Variants in ACAN observed in about 807,000 individuals in gnomAD.
The protein encoded by ACAN is aggrecan, also known as aggrecan core protein.
A neutral mutation model predicts 169.1 loss-of-function variants in ACAN; 47 were observed. That is an observed-to-expected ratio of 0.28 (90% CI 0.22 to 0.35). ACAN has a LOEUF of 0.35. Ranked by LOEUF, ACAN falls within the 10% of genes least tolerant of loss-of-function variation. The pLI, the probability that ACAN is intolerant of heterozygous loss-of-function variation, is 1.00. For synonymous variants in ACAN, 1,115 were observed against 1,112.2 expected, an observed-to-expected ratio of 1.00 and a Z score of -0.05; for missense variants, 2,716 against 2,759.9, an observed-to-expected ratio of 0.98 and a Z score of 0.36.
rs781309352 is a variant in ACAN at position 88,843,329 on chromosome 15, T to C, written c.758-26T>C. 1.3e-6 allele frequency: 2 copies of C among 1,541,468 alleles called. No homozygotes were observed. The highest frequency in any genetic ancestry group is 1.8e-6 in the Non-Finnish European group (2 of 1,138,316). ...GCAGGGGGAGGGGGGAGAAGACCCT[T>C]ACCCAGCTGGCTGTGTCCTTCACAG... On this transcript the variant is annotated intron_variant, in intron 5 of 18. Coordinates refer to ENST00000560601, the MANE Select transcript of ACAN (RefSeq NM_001369268.1). The surrounding 1 kb of genome is among the most constrained non-coding windows in gnomAD (Gnocchi z 4.0).
rs1242006485 is a variant in ACAN, at chr15:88,845,861, G to A, written c.1408G>A (p.Gly470Arg). The change falls in exon 7 of 19, where the codon GGG (glycine) becomes AGG (arginine). Residue 470 changes from glycine to arginine, a missense_variant. By Grantham distance (125) the Gly-to-Arg change is moderately radical (BLOSUM62 -2). Transcript: ENST00000560601. ...DLVVQVTAVP[G>R]QPHLPGGVVF... is the part of the protein sequence containing the mutation. The stretch of plus-strand genomic sequence containing the variant: ...CGTCGTGCAGGTGACCGCTGTCCCT[G>A]GGCAGCCGCATTTGCCAGGGGGTAA... The A allele has an allele frequency of 9.6e-6, 14 of 1,458,076 alleles. No individual in the cohort carries two copies. The South Asian group carries it at 1.8e-4, about 18-fold the overall frequency. 90.3% of individuals were successfully genotyped at this position (1,458,076 alleles called of 1,614,324 possible).
intron 2 of ACAN, among the ~76,000 whole-genome samples, chr15:88,837,196 G>T (rs562252322): frequency 7.2e-5 from 11 of 152,186 alleles, no homozygotes; most frequent in Non-Finnish European, 1.6e-4. Flanking sequence ...TGTGGGCAGA[G>T]CAGGGCTGTG....
rs145914944 is a variant in ACAN at position 88,849,253 on chromosome 15, C to G, written c.1733-185C>G. Among the ~76,000 whole-genome samples, 350 of 152,280 alleles carry G rather than the reference C, an allele frequency of 2.3e-3. 3 individuals are homozygous for G. The highest frequency in any genetic ancestry group is 7.7e-3 in the African/African-American group (322 of 41,552). On this transcript the variant is annotated intron_variant, in intron 9 of 18. Transcript: ENST00000560601. This position sits in a 1 kb window ranked among gnomAD's most constrained non-coding sequence, Gnocchi z 5.1. ...AACCCCAGTCCAGTACAAACCAGAG[C>G]GGTGGTCACCTATTTCCCAGGGTCC...
chr15:88,861,751 A>G lies in ACAN; in HGVS notation c.6946+1312A>G, dbSNP rs78973404. 0.044 allele frequency among the ~76,000 whole-genome samples: 6,744 copies of G among 152,148 alleles called. 171 individuals are homozygous for G. The highest frequency in any genetic ancestry group is 0.082 in the Middle Eastern group (24 of 294). ...TGATGGGTGACTCCACTCTTGGGAA[A>G]TCCTTCTTAACCTGATACTTGAGGC... is the stretch of plus-strand genomic sequence containing the variant. On this transcript the variant is annotated intron_variant, in intron 13 of 18. Coordinates refer to ENST00000560601, the MANE Select transcript of ACAN (RefSeq NM_001369268.1). This position sits in a 1 kb window ranked among gnomAD's most constrained non-coding sequence, Gnocchi z 6.3.
At chr15:88,823,647 CG>C (rs1483577124) in intron 1 of ACAN, among the ~76,000 whole-genome samples, 2 of 152,132 alleles carry the variant, frequency 1.3e-5, no homozygotes, top group Non-Finnish European at 1.5e-5. Context: ...GGGCCATCCA[CG>C]GCTGCAGCCA....
chr15:88,858,589 C>T lies in ACAN; in HGVS notation c.6004C>T (p.Pro2002Ser). 1.9e-6 allele frequency: 3 copies of T among 1,613,844 alleles called. No homozygotes were observed. Among genetic ancestry groups the T allele is most frequent in the Non-Finnish European group, 2.5e-6 (3 of 1,179,888 alleles). ...GCCCAGCGGAGAGCCACCAGGTACT[C>T]CATATTTTAGTGGGGATTTTGCCAG... is the stretch of plus-strand genomic sequence containing the variant. ...IEPSGEPPGT[P>S]YFSGDFASTT... The change falls in exon 12 of 19, where the codon CCA becomes TCA. Residue 2002 changes from proline to serine, a missense_variant. Physicochemically the swap from Pro to Ser is moderately conservative, Grantham distance 74. Coordinates refer to ENST00000560601, the MANE Select transcript of ACAN (RefSeq NM_001369268.1). This position sits in a 1 kb window ranked among gnomAD's most constrained non-coding sequence, Gnocchi z 4.0.
At position 88,845,629 on chromosome 15, in the gene ACAN, A is replaced by G. The variant is rs1896774029; in HGVS notation, c.1176A>G (p.Glu392=). 3.7e-6 allele frequency: 6 copies of G among 1,614,064 alleles called. No homozygotes were observed. The East Asian group carries it at 1.3e-4, about 36-fold the overall frequency. Residue 392 remains glutamate (E), a synonymous_variant, in exon 7 of 19, where the codon GAA becomes GAG. Coordinates refer to ENST00000560601, the MANE Select transcript of ACAN (RefSeq NM_001369268.1). ...TGCCTCGAAACATCACTGAGGGTGA[A>G]GCCCGAGGCAGCGTGATCCTTACCG... The part of the protein sequence containing the change: ...LPLPRNITEG[E]ARGSVILTVK...
rs267604364 is a variant in ACAN, at chr15:88,851,931, C to G, written c.2164C>G (p.Pro722Ala). 1 of 1,612,614 alleles carries G rather than the reference C, an allele frequency of 6.2e-7. No individual in the cohort carries two copies. The highest frequency in any genetic ancestry group is 2.2e-5 in the East Asian group (1 of 44,848). The change falls in exon 11 of 19, where the codon CCC becomes GCC. Residue 722 changes from proline (P) to alanine (A), a missense_variant. Pro to Ala is a conservative substitution (Grantham distance 27). Transcript: ENST00000560601. The surrounding 1 kb of genome is among the most constrained non-coding windows in gnomAD (Gnocchi z 4.3). ...CGTAGAAGAGGAGACAACTGCTGTA[C>G]CCTCAGGGGAGACTACTGCCATCCT... is the stretch of plus-strand genomic sequence containing the variant. ...VPVEEETTAV[P>A]SGETTAILEF...
At position 88,868,695 on chromosome 15, in the gene ACAN, C is replaced by A. The variant is rs951662286; in HGVS notation, c.7060+366C>A. Among the ~76,000 whole-genome samples the A allele has an allele frequency of 6.6e-6, 1 of 152,186 alleles. No homozygotes were observed. Among genetic ancestry groups the A allele is most frequent in the African/African-American group, 2.4e-5 (1 of 41,444 alleles). On this transcript the variant is annotated intron_variant, in intron 14 of 18. Transcript: ENST00000560601. This position sits in a 1 kb window ranked among gnomAD's most constrained non-coding sequence, Gnocchi z 5.2. ...AATTGGTTCTCATTCCAGATGACAG[C>A]CACGGATCTTCTCAGTGTGGTCATG...
chr15:88,864,883 C>G (rs967892529), intron 13 of ACAN, among the ~76,000 whole-genome samples: 1 of 152,102 alleles, frequency 6.6e-6, no homozygotes, highest in South Asian at 2.1e-4. Flanking sequence ...GAGTGGCAAC[C>G]CTTTTAGTTC....
Position 88,874,008 on chromosome 15 carries a change from G to T in ACAN, c.7614G>T (p.Gln2538His). 6.2e-7 allele frequency: 1 copy of T among 1,611,246 alleles called. No homozygotes were observed. Among genetic ancestry groups the T allele is most frequent in the Non-Finnish European group, 8.5e-7 (1 of 1,179,754 alleles). Residue 2538 changes from glutamine to histidine, a missense_variant, in exon 18 of 19, where the codon CAG (glutamine) becomes CAT (histidine). By Grantham distance (24) the Gln-to-His change is conservative. Coordinates refer to ENST00000560601, the MANE Select transcript of ACAN (RefSeq NM_001369268.1). This position sits in a 1 kb window ranked among gnomAD's most constrained non-coding sequence, Gnocchi z 7.3. ...CQPSGHWEEPQITCTDPTTYK... is the reference protein window; with the variant it reads ...CQPSGHWEEPHITCTDPTTYK... The stretch of plus-strand genomic sequence containing the variant: ...CCAGCGGGCACTGGGAGGAGCCTCA[G>T]ATCACCTGCACAGACCGTGAGCATC...
Position 88,854,843 on chromosome 15 carries a change from T to C in ACAN, c.2267-9T>C. 1 of 1,465,996 alleles carries C rather than the reference T, an allele frequency of 6.8e-7. No individual in the cohort carries two copies. The highest frequency in any genetic ancestry group is 9.0e-7 in the Non-Finnish European group (1 of 1,108,002). 90.8% of individuals were successfully genotyped at this position (1,465,996 alleles called of 1,614,324 possible). A position where few individuals can be genotyped will look rare whatever the true frequency, so the allele number is the denominator to read the frequency against. On this transcript the variant is annotated splice_polypyrimidine_tract_variant and intron_variant, in intron 11 of 18. Coordinates refer to ENST00000560601, the MANE Select transcript of ACAN (RefSeq NM_001369268.1). ...CCCACACTTCATCTTTCTTCCTTCTTTCCTACAGGGATCCTTCCTACTTGG... is the reference window on the plus strand; with the variant it reads ...CCCACACTTCATCTTTCTTCCTTCTCTCCTACAGGGATCCTTCCTACTTGG...
In ACAN at chr15:88,839,944, A is replaced by C; in HGVS notation, c.455-68A>C. 6.5e-7 allele frequency: 1 copy of C among 1,534,218 alleles called. No individual in the cohort carries two copies. Among genetic ancestry groups the C allele is most frequent in the Non-Finnish European group, 8.8e-7 (1 of 1,132,226 alleles). On this transcript the variant is annotated intron_variant, in intron 3 of 18. Coordinates refer to ENST00000560601, the MANE Select transcript of ACAN (RefSeq NM_001369268.1). The surrounding 1 kb of genome is among the most constrained non-coding windows in gnomAD (Gnocchi z 4.5). ...CTTTGACTATTGCCATAATTCTGCG[A>C]GGGCCTCGGTGATCAGAGACTGTGC...
chr15:88,867,200 T>C (rs1351207353), intron 13 of ACAN, among the ~76,000 whole-genome samples: 1 of 152,242 alleles, frequency 6.6e-6, no homozygotes, highest in Non-Finnish European at 1.5e-5. Context: ...GATTTAGTTC[T>C]CACCTTGGCT....
intron 7 of ACAN, among the ~76,000 whole-genome samples, chr15:88,846,474 GT>G (rs1896793938): frequency 6.6e-6 from 1 of 152,206 alleles, no homozygotes; most frequent in Admixed American, 6.5e-5. Context: ...CACAAATAAA[GT>G]TTGATTGGAA....
intron 1 of ACAN, among the ~76,000 whole-genome samples, chr15:88,826,152 G>T (rs771248456): frequency 1.3e-5 from 2 of 152,152 alleles, no homozygotes; most frequent in Admixed American, 6.5e-5. Flanking sequence ...ACGTCGGGGG[G>T]CTCTACTGAC....
chr15:88,835,791 T>C (rs1896487391), intron 1 of ACAN, among the ~76,000 whole-genome samples: 1 of 152,196 alleles, frequency 6.6e-6, no homozygotes, highest in African/African-American at 2.4e-5. Flanking sequence ...GGGAGGACCA[T>C]CTGCTTTATT....
chr15:88,832,051 T>C (rs1896377942), intron 1 of ACAN, among the ~76,000 whole-genome samples: 1 of 152,094 alleles, frequency 6.6e-6, no homozygotes, highest in South Asian at 2.1e-4. Context: ...TTGAGTACAA[T>C]TGGAGCTGCT....
chr15:88,868,279 C>CT lies in ACAN; in HGVS notation c.7013dup (p.Thr2339HisfsTer14). 1 of 702,832 alleles carries CT rather than the reference C, an allele frequency of 1.4e-6. No homozygotes were observed. Among genetic ancestry groups the CT allele is most frequent in the Non-Finnish European group, 2.6e-6 (1 of 384,852 alleles). The allele number at this position is 702,832 out of a possible 1,614,324, so 43.5% of individuals were successfully genotyped here. A position where few individuals can be genotyped will look rare whatever the true frequency, so the allele number is the denominator to read the frequency against. On this transcript the variant is annotated frameshift_variant, in exon 14 of 19. Coordinates refer to ENST00000560601, the MANE Select transcript of ACAN (RefSeq NM_001369268.1). LOFTEE classifies it high-confidence loss of function. This position sits in a 1 kb window ranked among gnomAD's most constrained non-coding sequence, Gnocchi z 5.2. ...GCCACCTGCGTGGATGCCATCGACT[C>CT]TTTCACATGCTTATGCCTTCCCAGC...
Sources: allele counts gnomAD v4.1 joint callset (sites outside exome capture counted in the v4.1 genomes callset), GRCh38; gene constraint gnomAD v4.1.1; non-coding constraint Gnocchi (gnomAD v3.1); transcripts MANE v1.5; gene names NCBI Gene and HGNC (gene_info 2026-07-23, HGNC 2026-07-21).